Variants in ANK2 observed in about 807,000 individuals in gnomAD.
The protein encoded by ANK2 is ankyrin-2.
A neutral mutation model predicts 360.5 loss-of-function variants in ANK2; 83 were observed. The ratio of observed to expected loss-of-function variants is 0.23; its 90% confidence interval spans 0.19 to 0.28. ANK2 has a LOEUF of 0.28. ANK2 is among the 10% of genes least tolerant of loss of function. The pLI, the probability that ANK2 is intolerant of heterozygous loss-of-function variation, is 1.00. For missense variants in ANK2, 4,201 were observed against 4,795.7 expected, an observed-to-expected ratio of 0.88 and a Z score of 3.66; for synonymous variants, 1,740 against 1,759.5, an observed-to-expected ratio of 0.99 and a Z score of 0.28.
At chr4:112,913,906 T>G (rs2088700976) in intron 2 of ANK2, among the ~76,000 whole-genome samples, 1 of 152,218 alleles carries the variant, frequency 6.6e-6, no homozygotes. Context: ...ATTAGATAAC[T>G]TTTCATGGAT....
Position 113,358,318 on chromosome 4 carries a change from C to A in ANK2, c.9700C>A (p.Pro3234Thr), listed in dbSNP as rs1195728545. The change falls in exon 38 of 46, where the codon CCT (proline) becomes ACT (threonine). Residue 3234 changes from proline to threonine, a missense_variant. Pro to Thr is a conservative substitution (Grantham distance 38, BLOSUM62 -1). Coordinates refer to ENST00000357077, the MANE Select transcript of ANK2 (RefSeq NM_001148.6). Reference protein sequence around the residue: ...DLPTVQTGDIPPLSGVKQISC... With the variant: ...DLPTVQTGDITPLSGVKQISC... ...CCCCACCGTGCAAACGGGTGATATACCTCCTCTCTCTGGTGTAAAGCAGAT... is the reference window on the plus strand; with the variant it reads ...CCCCACCGTGCAAACGGGTGATATAACTCCTCTCTCTGGTGTAAAGCAGAT... 1 of 1,613,414 alleles carries A rather than the reference C, an allele frequency of 6.2e-7. No homozygotes were observed. The highest frequency in any genetic ancestry group is 2.2e-5 in the East Asian group (1 of 44,852).
At chr4:112,791,387 AC>A in the ANK2 span, among the ~76,000 whole-genome samples, 3 of 151,594 alleles carry the variant, frequency 2.0e-5, no homozygotes, top group Non-Finnish European at 4.4e-5. Flanking sequence ...AAAAGGTTTC[AC>A]CTTTTTCTAG....
intron 10 of ANK2, 90 bp downstream of exon 10, chr4:113,249,952 C>A: frequency 1.7e-6 from 2 of 1,177,490 alleles, no homozygotes; most frequent in Non-Finnish European, 1.2e-6. Flanking sequence ...AAACATCAGG[C>A]AAGCATTTTC....
chr4:113,300,356 C>T (rs1449526572), intron 22 of ANK2, among the ~76,000 whole-genome samples: 1 of 145,966 alleles, frequency 6.9e-6, no homozygotes, highest in Non-Finnish European at 1.5e-5. Context: ...AAATTCCACC[C>T]AAAGACAATC....
At chr4:113,236,882 T>A in intron 5 of ANK2, 105 bp from the exon 6 acceptor site, 1 of 1,152,306 alleles carries the variant, frequency 8.7e-7, no homozygotes, top group East Asian at 2.4e-5. Context: ...TTTATTCTTT[T>A]GGTTGTCAAT....
intron 1 of ANK2, among the ~76,000 whole-genome samples, chr4:112,863,373 A>G (rs970858704): frequency 2.0e-5 from 3 of 152,106 alleles, no homozygotes; most frequent in African/African-American, 4.8e-5. Context: ...TATTACTCCT[A>G]AATTTAGAAG....
intron 24 of ANK2, among the ~76,000 whole-genome samples, chr4:113,317,174 A>G (rs1248388694): frequency 6.6e-6 from 1 of 152,200 alleles, no homozygotes; most frequent in Non-Finnish European, 1.5e-5. Context: ...CTTCCAGGGG[A>G]ATGCACCAAC....
At chr4:113,241,361 A>T (rs182661398) in intron 8 of ANK2, among the ~76,000 whole-genome samples, 1 of 152,306 alleles carries the variant, frequency 6.6e-6, no homozygotes, top group Non-Finnish European at 1.5e-5. Flanking sequence ...GTTTAGAGAC[A>T]GGGTCTGGCT....
chr4:113,363,287 G>C, intron 39 of ANK2, 51 bp from the exon 40 acceptor site: 2 of 1,590,144 alleles, frequency 1.3e-6, no homozygotes, highest in Non-Finnish European at 1.7e-6. Context: ...AAAATGTAGA[G>C]ACTGAAACCT....
chr4:112,905,362 G>T (rs971897063), intron 2 of ANK2, among the ~76,000 whole-genome samples: 4 of 152,126 alleles, frequency 2.6e-5, no homozygotes, highest in African/African-American at 9.7e-5. Flanking sequence ...CAGAAGATAT[G>T]CCAGAATGCC....
chr4:112,710,498 C>A, the ANK2 span, among the ~76,000 whole-genome samples: 3 of 152,046 alleles, frequency 2.0e-5, no homozygotes, highest in African/African-American at 7.2e-5. Flanking sequence ...GAGTTCAAGA[C>A]CGGCCTGGCC....
intron 1 of ANK2, among the ~76,000 whole-genome samples, chr4:113,144,346 G>A (rs1022622422): frequency 6.6e-6 from 1 of 151,942 alleles, no homozygotes; most frequent in African/African-American, 2.4e-5. Context: ...TGTCCCTCTT[G>A]GATTTGAGTG....
At chr4:112,766,521 T>C in the ANK2 span, among the ~76,000 whole-genome samples, 1 of 152,144 alleles carries the variant, frequency 6.6e-6, no homozygotes, top group Non-Finnish European at 1.5e-5. Flanking sequence ...AATTGCTGGA[T>C]CCTGAGGGTC....
At chr4:112,956,178 C>G (rs1055441487) in intron 2 of ANK2, among the ~76,000 whole-genome samples, 1 of 152,192 alleles carries the variant, frequency 6.6e-6, no homozygotes. Flanking sequence ...TGTCTTCTAC[C>G]TACAAATTTA....
intron 2 of ANK2, among the ~76,000 whole-genome samples, chr4:113,021,553 T>C (rs370899336): frequency 0.11 from 4,526 of 40,098 alleles, 410 homozygotes; most frequent in African/African-American, 0.21. Flanking sequence ...TATATATATA[T>C]ATATATATAT....
At chr4:112,862,127 TAAAG>T (rs1485090671) in intron 1 of ANK2, among the ~76,000 whole-genome samples, 3 of 152,178 alleles carry the variant, frequency 2.0e-5, no homozygotes, top group African/African-American at 7.2e-5. Flanking sequence ...TAAAGGATGT[TAAAG>T]AAAGTATCCA....
At chr4:113,246,086 A>G (rs112081048) in intron 9 of ANK2, among the ~76,000 whole-genome samples, 3,390 of 152,262 alleles carry the variant, frequency 0.022, 141 homozygotes, top group African/African-American at 0.078. Flanking sequence ...GTGAGCCACC[A>G]CACCCGGCCG....
intron 2 of ANK2, among the ~76,000 whole-genome samples, chr4:113,020,721 G>A (rs1350575758): frequency 1.3e-5 from 2 of 151,698 alleles, no homozygotes; most frequent in Non-Finnish European, 2.9e-5. Context: ...AGCTACTCGG[G>A]AGACTGAGGC....
intron 1 of ANK2, among the ~76,000 whole-genome samples, chr4:112,821,505 TTTTTTA>T (rs923456520): frequency 8.6e-5 from 13 of 151,288 alleles, no homozygotes; most frequent in Non-Finnish European, 7.4e-5. Flanking sequence ...CCTAATTTTT[TTTTTTA>T]TTTTTTTTTT....
Sources: gnomAD v4.1 joint callset for allele counts (sites outside exome capture counted in the v4.1 genomes callset) on GRCh38, gnomAD v4.1.1 for gene constraint, MANE v1.5 for transcripts, NCBI Gene and HGNC (gene_info 2026-07-23, HGNC 2026-07-21) for gene names.